The following CRISP1 variants were observed in gnomAD, a reference collection of about 807,000 sequenced individuals.
The protein encoded by CRISP1 is cysteine rich secretory protein 1.
Under a neutral mutation model 33.1 loss-of-function variants are expected in CRISP1, and 44 were observed. The observed-to-expected ratio is 1.33, with a 90% confidence interval of 1.05 to 1.71. CRISP1 has a LOEUF of 1.71. CRISP1 is among the 40% of genes most tolerant of loss of function. The pLI, the probability that CRISP1 is intolerant of heterozygous loss-of-function variation, is 0.00. For missense variants in CRISP1, 390 were observed against 301.2 expected, an observed-to-expected ratio of 1.29 and a Z score of -2.18; for synonymous variants, 103 against 98.7, an observed-to-expected ratio of 1.04 and a Z score of -0.26.
chr6:49,861,187 T>G (rs1330836653), intron 1 of CRISP1, among the ~76,000 whole-genome samples: 1 of 152,156 alleles, frequency 6.6e-6, no homozygotes, highest in East Asian at 1.9e-4. Context: ...ACACCTATTC[T>G]TCTCAAACAA....
chr6:49,840,981 T>C lies in CRISP1; in HGVS notation c.450A>G (p.Thr150=). The C allele has an allele frequency of 6.2e-7, 1 of 1,613,838 alleles. No individual in the cohort carries two copies. Among genetic ancestry groups the C allele is most frequent in the Non-Finnish European group, 8.5e-7 (1 of 1,179,792 alleles). The change falls in exon 6 of 8, where the codon ACA becomes ACG. Residue 150 remains threonine, a synonymous_variant. Coordinates refer to ENST00000335847, the MANE Select transcript of CRISP1 (RefSeq NM_001131.3). ...CAATGGCACAGCCAATCAGGTAAGA[T>C]GTGGCCCAAACAATCTGCAATGATA... ...TDHYTQIVWA[T]SYLIGCAIAS... is the part of the protein sequence containing the mutation.
chr6:49,855,055 T>G (rs1347686326), intron 2 of CRISP1, among the ~76,000 whole-genome samples: 1 of 152,174 alleles, frequency 6.6e-6, no homozygotes, highest in Non-Finnish European at 1.5e-5. Context: ...GGCAGCTGAC[T>G]CTTTTGACTA....
intron 6 of CRISP1, 68 bp downstream of exon 6, chr6:49,840,830 A>G: frequency 1.6e-6 from 2 of 1,253,244 alleles, no homozygotes; most frequent in Non-Finnish European, 2.3e-6. Flanking sequence ...ACACAAAAAA[A>G]CAATGTTTGA....
At position 49,838,463 on chromosome 6, in the gene CRISP1, GGGCA is replaced by G; in HGVS notation, c.592_595del (p.Cys198GlnfsTer50). ...GCAAAGTTTGTCTTCACAGTTACTTGGGCAGGCTTCACATGGGACGCCTGTCTTA... is the reference window on the plus strand; with the variant it reads ...GCAAAGTTTGTCTTCACAGTTACTTGGGCTTCACATGGGACGCCTGTCTTA... On this transcript the variant is annotated frameshift_variant, in exon 7 of 8. Transcript: ENST00000335847. LOFTEE classifies it high-confidence loss of function. 1 of 1,613,092 alleles carries G rather than the reference GGGCA, an allele frequency of 6.2e-7. No homozygotes were observed. The highest frequency in any genetic ancestry group is 8.5e-7 in the Non-Finnish European group (1 of 1,179,484).
intron 1 of CRISP1, among the ~76,000 whole-genome samples, chr6:49,876,572 G>C (rs1772040069): frequency 6.6e-6 from 1 of 151,796 alleles, no homozygotes; most frequent in Non-Finnish European, 1.5e-5. Flanking sequence ...ATATTATAAA[G>C]ATACATGCAC....
At chr6:49,865,484 T>A (rs1434907122) in intron 1 of CRISP1, among the ~76,000 whole-genome samples, 1 of 152,212 alleles carries the variant, frequency 6.6e-6, no homozygotes, top group Non-Finnish European at 1.5e-5. Context: ...TCATATTTCT[T>A]CCAAATTCTC....
intron 1 of CRISP1, among the ~76,000 whole-genome samples, chr6:49,861,549 T>G (rs1207644188): frequency 6.6e-6 from 1 of 152,004 alleles, no homozygotes; most frequent in Non-Finnish European, 1.5e-5. Flanking sequence ...AAATTTAACA[T>G]CTCTTCCTGA....
chr6:49,858,231 G>A (rs551592859), intron 1 of CRISP1, among the ~76,000 whole-genome samples: 5 of 152,208 alleles, frequency 3.3e-5, no homozygotes, highest in African/African-American at 1.2e-4. Context: ...CAGAGCTAAT[G>A]TACCTTCTCT....
rs1015276243 is a variant in CRISP1 at position 49,835,439 on chromosome 6, G to A, written c.627C>T (p.Asn209=). The part of the protein sequence containing the change: ...PSNCEDKLCT[N]PCIYYDEYFD... ...AGTATTCATCATAGTAGATGCAGGG[G>A]TTAGCTGAAAGAAAATAGTATGGTT... Residue 209 remains asparagine (N), a synonymous_variant, in exon 8 of 8, where the codon AAC becomes AAT. Transcript: ENST00000335847. 2.5e-6 allele frequency: 4 copies of A among 1,612,786 alleles called. No homozygotes were observed. The highest frequency in any genetic ancestry group is 3.4e-6 in the Non-Finnish European group (4 of 1,179,412).
At chr6:49,856,101 G>A (rs1970456) in intron 2 of CRISP1, among the ~76,000 whole-genome samples, 36,527 of 151,948 alleles carry the variant, frequency 0.24, 4,779 homozygotes, top group Admixed American at 0.36. Context: ...GGTCAAAAGC[G>A]GATTGGGTAT....
chr6:49,849,934 C>G (rs933134251), intron 3 of CRISP1, among the ~76,000 whole-genome samples: 1 of 151,926 alleles, frequency 6.6e-6, no homozygotes, highest in East Asian at 1.9e-4. Context: ...AGAGAGGACA[C>G]AACACATCTA....
intron 1 of CRISP1, among the ~76,000 whole-genome samples, chr6:49,862,816 C>CAAA (rs3839535): frequency 7.3e-6 from 1 of 137,134 alleles, no homozygotes; most frequent in African/African-American, 2.8e-5. Flanking sequence ...AAAGAAGCTA[C>CAAA]AAAAAAAAAA....
At chr6:49,854,163 G>A (rs757415727) in intron 2 of CRISP1, among the ~76,000 whole-genome samples, 29 of 152,130 alleles carry the variant, frequency 1.9e-4, no homozygotes, top group Non-Finnish European at 3.7e-4. Flanking sequence ...ACCTGTATCT[G>A]TCCCCTTTCT....
intron 1 of CRISP1, among the ~76,000 whole-genome samples, chr6:49,872,311 G>T (rs62404938): frequency 0.096 from 14,608 of 151,946 alleles, 940 homozygotes; most frequent in Non-Finnish European, 0.15. Flanking sequence ...CCCTTTGTCA[G>T]ATGAGTAGGT....
chr6:49,845,698 C>T (rs1771140258), intron 5 of CRISP1, among the ~76,000 whole-genome samples: 1 of 84,500 alleles, frequency 1.2e-5, no homozygotes, highest in Non-Finnish European at 2.3e-5. Flanking sequence ...CAGTATTATT[C>T]ACAATAGCCA....
chr6:49,839,896 C>T (rs929421146), intron 6 of CRISP1, among the ~76,000 whole-genome samples: 3 of 152,060 alleles, frequency 2.0e-5, no homozygotes, highest in South Asian at 4.1e-4. Context: ...ATAGTGGTGG[C>T]GCCACTGAAA....
chr6:49,851,333 T>C (rs1771339473), intron 3 of CRISP1, among the ~76,000 whole-genome samples: 2 of 152,150 alleles, frequency 1.3e-5, no homozygotes, highest in Admixed American at 6.6e-5. Context: ...AACTGAGTGA[T>C]ACTGCTGGAT....
intron 3 of CRISP1, 99 bp from the exon 4 acceptor site, chr6:49,848,398 T>G: frequency 1.7e-6 from 1 of 595,674 alleles, no homozygotes; most frequent in South Asian, 2.9e-5. Context: ...ATATCTTCAA[T>G]TGTATCAACT....
chr6:49,847,862 G>A (rs1403148725), intron 4 of CRISP1, among the ~76,000 whole-genome samples: 1 of 151,948 alleles, frequency 6.6e-6, no homozygotes, highest in Non-Finnish European at 1.5e-5. Context: ...GATCCCCATG[G>A]TGCTATTGTT....
Sources: gnomAD v4.1 joint callset for allele counts (sites outside exome capture counted in the v4.1 genomes callset) on GRCh38, gnomAD v4.1.1 for gene constraint, MANE v1.5 for transcripts, NCBI Gene and HGNC (gene_info 2026-07-23, HGNC 2026-07-21) for gene names.